Variants in NEK1 observed in about 807,000 individuals in gnomAD.
NEK1 encodes NIMA related kinase 1.
NEK1 carries 137 observed loss-of-function variants against 182.1 expected under a neutral mutation model. The observed-to-expected ratio is 0.75, with a 90% CI of 0.65 to 0.87. NEK1 has a LOEUF of 0.87. NEK1 is among the 40% of genes least tolerant of loss of function. The probability of loss-of-function intolerance (pLI) is 0.00; values close to 1 mark genes in which losing one functional copy is unlikely to be tolerated. For synonymous variants in NEK1, 513 were observed against 492.2 expected (o/e 1.04, Z -0.56); for missense variants, 1,391 against 1,494.4 (o/e 0.93, Z 1.14).
chr4:169,493,460 A>C (rs1345627503), intron 23 of NEK1, among the ~76,000 whole-genome samples: 1 of 152,244 alleles, frequency 6.6e-6, no homozygotes, highest in Non-Finnish European at 1.5e-5. Flanking sequence ...AATATCTAAA[A>C]TGATACATAA....
chr4:169,458,825 C>T lies in NEK1; in HGVS notation c.2587+4418G>A. ...CCTGGGCAACACAGTGAGACCCCAT[C>T]TCAAAAAAAAAAAAAAAAAGACAAT... On this transcript the variant is annotated intron_variant, in intron 27 of 35. Transcript: ENST00000507142. Among the ~76,000 whole-genome samples, 3 of 119,002 alleles carry T rather than the reference C, an allele frequency of 2.5e-5. No individual in the cohort carries two copies. In the East Asian group the frequency reaches 6.8e-4, roughly 27 times the overall value. 78.1% of individuals were successfully genotyped at this position (119,002 alleles called of 152,430 possible). A position where few individuals can be genotyped will look rare whatever the true frequency, so the allele number is the denominator to read the frequency against.
Position 169,393,334 on chromosome 4 carries a change from C to G in NEK1, c.*1176G>C, listed in dbSNP as rs1423366696. On this transcript the variant is annotated 3_prime_UTR_variant, in exon 36 of 36. Transcript: ENST00000507142. ...AAAATAAACACACATATTAAAAAATCAAGTATTTAGTTTCGGATATTAGAA... is the reference window on the plus strand; with the variant it reads ...AAAATAAACACACATATTAAAAAATGAAGTATTTAGTTTCGGATATTAGAA... The G allele has an allele frequency of 6.6e-6, 1 of 152,064 alleles. No homozygotes were observed. The highest frequency in any genetic ancestry group is 1.5e-5 in the Non-Finnish European group (1 of 67,984). The allele number at this position is 152,064 out of a possible 1,614,324, so 9.4% of individuals were successfully genotyped here.
chr4:169,442,821 G>C (rs77280733), intron 27 of NEK1, among the ~76,000 whole-genome samples: 2,003 of 152,268 alleles, frequency 0.013, 40 homozygotes, highest in African/African-American at 0.045. Context: ...ACCGCTTGCA[G>C]CCAGGAGTTG....
intron 4 of NEK1, among the ~76,000 whole-genome samples, chr4:169,599,945 T>C (rs1428260935): frequency 6.6e-6 from 1 of 152,102 alleles, no homozygotes; most frequent in Admixed American, 6.5e-5. Context: ...ATGCTGACCT[T>C]GAGCTCCTGG....
intron 23 of NEK1, among the ~76,000 whole-genome samples, chr4:169,499,995 G>A (rs1263224556): frequency 6.6e-6 from 1 of 152,222 alleles, no homozygotes; most frequent in African/African-American, 2.4e-5. Context: ...CCTGCCCCCA[G>A]AGGTGGAGTC....
chr4:169,564,335 T>G (rs1763365914), intron 12 of NEK1, among the ~76,000 whole-genome samples: 1 of 152,144 alleles, frequency 6.6e-6, no homozygotes, highest in Non-Finnish European at 1.5e-5. Flanking sequence ...TCATTTACAT[T>G]ATTAGTAAAA....
intron 23 of NEK1, among the ~76,000 whole-genome samples, chr4:169,493,489 G>T (rs1750514226): frequency 6.6e-6 from 1 of 152,124 alleles, no homozygotes; most frequent in African/African-American, 2.4e-5. Flanking sequence ...GAATATTGAT[G>T]GCAAGGAAAC....
chr4:169,607,883 T>A (rs1279386568), intron 2 of NEK1, among the ~76,000 whole-genome samples: 1 of 151,962 alleles, frequency 6.6e-6, no homozygotes, highest in Non-Finnish European at 1.5e-5. Context: ...TACTAGCCTA[T>A]AAAATGAACC....
intron 23 of NEK1, among the ~76,000 whole-genome samples, chr4:169,500,417 T>C (rs1047787311): frequency 1.3e-5 from 2 of 152,222 alleles, no homozygotes; most frequent in Non-Finnish European, 2.9e-5. Flanking sequence ...CTGCACCCAC[T>C]GTCTGACACT....
In NEK1 at chr4:169,612,482, C is replaced by T. The variant is rs1251075520; in HGVS notation, c.-433G>A. ...TTGACTGCCACGTGCTCCTGCCTCG[C>T]AACAGCGGCTCTAGATTCCGAGTTA... On this transcript the variant is annotated 5_prime_UTR_variant, in exon 1 of 36. Transcript: ENST00000507142. 2 of 152,410 alleles carry T rather than the reference C, an allele frequency of 1.3e-5. No individual in the cohort carries two copies. The highest frequency in any genetic ancestry group is 2.9e-5 in the Non-Finnish European group (2 of 68,338). The allele number at this position is 152,410 out of a possible 1,614,324, so 9.4% of individuals were successfully genotyped here. A position where few individuals can be genotyped will look rare whatever the true frequency, so the allele number is the denominator to read the frequency against.
chr4:169,547,373 T>C (rs749685041), intron 18 of NEK1, among the ~76,000 whole-genome samples: 18 of 152,218 alleles, frequency 1.2e-4, no homozygotes, highest in Non-Finnish European at 2.1e-4. Context: ...CCTTTACCGG[T>C]AACCTGACCT....
chr4:169,543,424 C>A (rs1759803744), intron 18 of NEK1, among the ~76,000 whole-genome samples: 1 of 152,148 alleles, frequency 6.6e-6, no homozygotes, highest in African/African-American at 2.4e-5. Flanking sequence ...TAGCAGGATG[C>A]CTCCAGCTTT....
chr4:169,534,162 T>A (rs922536131), intron 19 of NEK1, among the ~76,000 whole-genome samples: 1 of 151,800 alleles, frequency 6.6e-6, no homozygotes, highest in South Asian at 2.1e-4. Context: ...CTCATTTGCA[T>A]CCATAATGAA....
At chr4:169,565,287 C>A (rs1763503788) in intron 12 of NEK1, among the ~76,000 whole-genome samples, 1 of 152,162 alleles carries the variant, frequency 6.6e-6, no homozygotes, top group Non-Finnish European at 1.5e-5. Flanking sequence ...CATAAAATAT[C>A]TTCACTATAT....
chr4:169,562,053 T>C, intron 13 of NEK1, 84 bp downstream of exon 13: 1 of 1,195,752 alleles, frequency 8.4e-7, no homozygotes. Context: ...AAGGAAAGGT[T>C]TGGAGGCTTT....
intron 2 of NEK1, among the ~76,000 whole-genome samples, chr4:169,608,116 T>TACACACACACAC (rs57287742): frequency 6.2e-4 from 92 of 148,108 alleles, no homozygotes; most frequent in Middle Eastern, 3.4e-3. Context: ...CACACACACA[T>TACACACACACAC]ACACACACAC....
chr4:169,409,667 C>G (rs914648377), intron 31 of NEK1, among the ~76,000 whole-genome samples: 1 of 152,048 alleles, frequency 6.6e-6, no homozygotes, highest in East Asian at 1.9e-4. Flanking sequence ...ACTTGGGAGG[C>G]TGAGGCAGGA....
intron 2 of NEK1, among the ~76,000 whole-genome samples, chr4:169,609,375 G>A (rs1169527063): frequency 6.6e-6 from 1 of 152,168 alleles, no homozygotes; most frequent in Non-Finnish European, 1.5e-5. Flanking sequence ...ATTTCCAAAT[G>A]TAGGAAAACA....
chr4:169,408,067 T>C (rs1732950255), intron 31 of NEK1, among the ~76,000 whole-genome samples: 1 of 152,238 alleles, frequency 6.6e-6, no homozygotes, highest in South Asian at 2.1e-4. Context: ...ATGTATATTA[T>C]AAACTAGCAA....
Sources: allele counts gnomAD v4.1 joint callset (sites outside exome capture counted in the v4.1 genomes callset), GRCh38; gene constraint gnomAD v4.1.1; transcripts MANE v1.5; gene names NCBI Gene and HGNC (gene_info 2026-07-23, HGNC 2026-07-21).